TMEM232: variants seen among roughly 807,000 people sequenced by gnomAD.
TMEM232 encodes the protein transmembrane protein 232.
A neutral mutation model predicts 78.8 loss-of-function variants in TMEM232; 80 were observed. The observed-to-expected ratio is 1.01, with a 90% confidence interval of 0.85 to 1.22. TMEM232 has a LOEUF of 1.22. Ranked by LOEUF, TMEM232 falls within the 50% of genes most tolerant of loss-of-function variation. The pLI, the probability that TMEM232 is intolerant of heterozygous loss-of-function variation, is 0.00. For synonymous variants in TMEM232, 297 were observed against 254.3 expected (o/e 1.17, Z -1.60); for missense variants, 881 against 742.2 (o/e 1.19, Z -2.17).
chr5:110,597,319 C>T (rs1780297008), intron 10 of TMEM232, among the ~76,000 whole-genome samples: 1 of 152,090 alleles, frequency 6.6e-6, no homozygotes, highest in Non-Finnish European at 1.5e-5. Flanking sequence ...ACGTGAAGGA[C>T]CTCTTCAAGG....
chr5:110,670,672 C>T (rs1791240643), intron 1 of TMEM232, among the ~76,000 whole-genome samples: 1 of 151,976 alleles, frequency 6.6e-6, no homozygotes, highest in African/African-American at 2.4e-5. Context: ...GAGTGCCATC[C>T]AGACTGGGTC....
chr5:110,587,663 GTATA>G lies in TMEM232; in HGVS notation c.1276+17442_1276+17445del, dbSNP rs377139293. 4.8e-3 allele frequency among the ~76,000 whole-genome samples: 464 copies of G among 96,196 alleles called. 6 individuals are homozygous for G. Among genetic ancestry groups the G allele is most frequent in the African/African-American group, 0.012 (297 of 24,674 alleles). The allele number at this position is 96,196 out of a possible 152,430, so 63.1% of individuals were successfully genotyped here. On this transcript the variant is annotated intron_variant, in intron 10 of 13. Coordinates refer to ENST00000455884, the MANE Select transcript of TMEM232 (RefSeq NM_001039763.4). Reference sequence around the variant, plus strand: ...ATGATGGTTTCATGGGTACATGTATGTATATATATATATATATATATATATATAT... The same window carrying G: ...ATGATGGTTTCATGGGTACATGTATGTATATATATATATATATATATATAT...
intron 12 of TMEM232, among the ~76,000 whole-genome samples, chr5:110,443,779 T>G (rs1759326533): frequency 6.6e-6 from 1 of 152,136 alleles, no homozygotes; most frequent in Non-Finnish European, 1.5e-5. Context: ...CAGGCCCCAA[T>G]GGCTCTTTAG....
At chr5:110,505,680 T>C (rs1191565744) in intron 12 of TMEM232, among the ~76,000 whole-genome samples, 2 of 151,984 alleles carry the variant, frequency 1.3e-5, no homozygotes, top group Non-Finnish European at 2.9e-5. Context: ...ATTTTTTTTG[T>C]GTATTTTTTG....
intron 10 of TMEM232, among the ~76,000 whole-genome samples, chr5:110,599,355 A>G (rs912951374): frequency 2.6e-5 from 4 of 152,190 alleles, no homozygotes; most frequent in Non-Finnish European, 5.9e-5. Flanking sequence ...TAAATGTCCC[A>G]ATTAAAAGAC....
intron 2 of TMEM232, among the ~76,000 whole-genome samples, chr5:110,663,877 A>G (rs140007146): frequency 0.012 from 1,781 of 152,246 alleles, 45 homozygotes; most frequent in African/African-American, 0.04. Context: ...AATGGCTCAC[A>G]TCTATAACCC....
At position 110,677,787 on chromosome 5, in the gene TMEM232, T is replaced by C. The variant is rs116126026; in HGVS notation, c.-12-10423A>G. On this transcript the variant is annotated intron_variant, in intron 1 of 13. Coordinates refer to ENST00000455884, the MANE Select transcript of TMEM232 (RefSeq NM_001039763.4). ...TGTTAGGCAAAAAATTTAACATTCT[T>C]AAATTGATGATATTTGAAAAAAATT... 5.1e-3 allele frequency among the ~76,000 whole-genome samples: 770 copies of C among 152,284 alleles called. 6 individuals carry two copies. Among genetic ancestry groups the C allele is most frequent in the African/African-American group, 0.017 (710 of 41,566 alleles).
intron 12 of TMEM232, among the ~76,000 whole-genome samples, chr5:110,525,058 G>A (rs910542013): frequency 1.3e-5 from 2 of 151,454 alleles, no homozygotes; most frequent in South Asian, 4.1e-4. Flanking sequence ...CTTATAAACA[G>A]CCCAATTTTT....
chr5:110,676,853 G>A (rs939830968), intron 1 of TMEM232, among the ~76,000 whole-genome samples: 2 of 151,656 alleles, frequency 1.3e-5, no homozygotes, highest in East Asian at 3.9e-4. Context: ...CCACCTCCCC[G>A]GTTCGAGCGA....
At chr5:110,705,291 C>T (rs1272257926) in intron 1 of TMEM232, among the ~76,000 whole-genome samples, 1 of 152,016 alleles carries the variant, frequency 6.6e-6, no homozygotes, top group Non-Finnish European at 1.5e-5. Flanking sequence ...GCATTAGGTG[C>T]CATAGGGGCA....
chr5:110,474,460 T>C (rs567207554), intron 12 of TMEM232, among the ~76,000 whole-genome samples: 1 of 151,888 alleles, frequency 6.6e-6, no homozygotes, highest in South Asian at 2.1e-4. Flanking sequence ...TCACCTTTAA[T>C]GGTGATTTAC....
intron 12 of TMEM232, among the ~76,000 whole-genome samples, chr5:110,497,774 A>G (rs968165072): frequency 6.6e-6 from 1 of 152,136 alleles, no homozygotes; most frequent in Non-Finnish European, 1.5e-5. Context: ...TATTAATTTG[A>G]ATATGTAACC....
intron 1 of TMEM232, among the ~76,000 whole-genome samples, chr5:110,721,949 T>C (rs1417341929): frequency 6.6e-6 from 1 of 151,764 alleles, no homozygotes; most frequent in African/African-American, 2.4e-5. Flanking sequence ...CCCTGATAGT[T>C]AGAATCACTT....
At chr5:110,517,859 T>C (rs935228599) in intron 12 of TMEM232, among the ~76,000 whole-genome samples, 1 of 152,192 alleles carries the variant, frequency 6.6e-6, no homozygotes, top group African/African-American at 2.4e-5. Flanking sequence ...AAAGAGAAGT[T>C]TAATTTACTA....
chr5:110,578,640 G>C lies in TMEM232; in HGVS notation c.1277-10015C>G, dbSNP rs894853536. ...TATTTCCTACTTCATCCCATTTGAGGACTTTTATTAATTCTTCTACTCAGT... is the reference window on the plus strand; with the variant it reads ...TATTTCCTACTTCATCCCATTTGAGCACTTTTATTAATTCTTCTACTCAGT... On this transcript the variant is annotated intron_variant, in intron 10 of 13. Transcript: ENST00000455884. 6.6e-5 allele frequency among the ~76,000 whole-genome samples: 10 copies of C among 151,916 alleles called. 1 individual carries two copies. The South Asian group carries it at 1.7e-3, about 25-fold the overall frequency.
intron 12 of TMEM232, among the ~76,000 whole-genome samples, chr5:110,494,165 T>C (rs879468016): frequency 6.6e-5 from 10 of 152,118 alleles, no homozygotes; most frequent in Admixed American, 2.6e-4. Context: ...CAGTCTGTCA[T>C]TGATGGGCAT....
intron 1 of TMEM232, among the ~76,000 whole-genome samples, chr5:110,688,467 T>G (rs1328734720): frequency 6.6e-6 from 1 of 152,174 alleles, no homozygotes; most frequent in African/African-American, 2.4e-5. Flanking sequence ...ATACATTTCC[T>G]CTGTTGGAGT....
intron 12 of TMEM232, among the ~76,000 whole-genome samples, chr5:110,494,317 A>C (rs1765423730): frequency 6.6e-6 from 1 of 152,194 alleles, no homozygotes; most frequent in South Asian, 2.1e-4. Flanking sequence ...AAATGAAAAG[A>C]ATAGATATTC....
At chr5:110,425,858 A>G (rs539542664) in intron 12 of TMEM232, among the ~76,000 whole-genome samples, 6 of 152,214 alleles carry the variant, frequency 3.9e-5, no homozygotes, top group African/African-American at 1.4e-4. Flanking sequence ...TACAAAGTAG[A>G]TCATGTCAAT....
Sources: gnomAD v4.1 joint callset for allele counts (sites outside exome capture counted in the v4.1 genomes callset) on GRCh38, gnomAD v4.1.1 for gene constraint, MANE v1.5 for transcripts, NCBI Gene and HGNC (gene_info 2026-07-23, HGNC 2026-07-21) for gene names.